Variants in NOS2 observed in about 807,000 individuals in gnomAD.
NOS2 encodes the protein nitric oxide synthase, inducible.
A neutral mutation model predicts 136.0 loss-of-function variants in NOS2; 96 were observed. That is an observed-to-expected ratio of 0.71 (90% confidence interval 0.60 to 0.84). NOS2 has a LOEUF of 0.84. Among genes scored for constraint, NOS2 ranks in the 40% least tolerant of loss-of-function variants. The pLI is 0.00. For missense variants in NOS2, 1,237 were observed against 1,496.9 expected (o/e 0.83, Z 2.87); for synonymous variants, 539 against 587.5 (o/e 0.92, Z 1.20).
intron 5 of NOS2, among the ~76,000 whole-genome samples, chr17:27,785,149 G>A (rs529551163): frequency 8.5e-5 from 13 of 152,138 alleles, no homozygotes; most frequent in African/African-American, 2.9e-4. Context: ...CTGGGGCTTC[G>A]AAGGGTGTGA....
chr17:27,791,723 T>C (rs1242718052), intron 2 of NOS2, among the ~76,000 whole-genome samples: 1 of 149,296 alleles, frequency 6.7e-6, no homozygotes, highest in Non-Finnish European at 1.5e-5. Flanking sequence ...TATCATTGAA[T>C]ACTTTTTTCT....
At chr17:27,772,009 G>A (rs1908510996) in intron 14 of NOS2, among the ~76,000 whole-genome samples, 1 of 152,336 alleles carries the variant, frequency 6.6e-6, no homozygotes, top group East Asian at 1.9e-4. Flanking sequence ...GCATCCTGCA[G>A]AGCAGGTGTT....
intron 2 of NOS2, among the ~76,000 whole-genome samples, chr17:27,790,435 C>T (rs1025607578): frequency 1.4e-4 from 22 of 152,172 alleles, no homozygotes; most frequent in African/African-American, 4.3e-4. Context: ...ATTTAAAACA[C>T]GTGATTTATC....
chr17:27,776,693 A>C (rs990467585), intron 11 of NOS2, among the ~76,000 whole-genome samples: 9 of 151,834 alleles, frequency 5.9e-5, no homozygotes, highest in African/African-American at 2.2e-4. Flanking sequence ...AAAAAAAAAA[A>C]AAAAAACTCA....
chr17:27,789,546 T>C (rs1909126890), intron 3 of NOS2, 58 bp downstream of exon 3: 1 of 1,320,448 alleles, frequency 7.6e-7, no homozygotes, highest in East Asian at 2.3e-5. Flanking sequence ...GGCTGCTATG[T>C]CTGCATCTGC....
intron 2 of NOS2, among the ~76,000 whole-genome samples, chr17:27,794,457 C>T (rs1909289828): frequency 6.6e-6 from 1 of 152,170 alleles, no homozygotes; most frequent in Non-Finnish European, 1.5e-5. Context: ...AGCAAGATAA[C>T]AGGTAGGGTC....
intron 17 of NOS2, among the ~76,000 whole-genome samples, chr17:27,768,173 G>A (rs961043196): frequency 4.0e-5 from 1 of 24,948 alleles, no homozygotes; most frequent in Non-Finnish European, 8.7e-5. Context: ...CCTCAGTCCC[G>A]TACCTGTAGC....
Position 27,769,013 on chromosome 17 carries a change from C to A in NOS2, c.1998G>T (p.Glu666Asp). The A allele has an allele frequency of 6.2e-7, 1 of 1,611,928 alleles. No homozygotes were observed. Among genetic ancestry groups the A allele is most frequent in the Admixed American group, 1.7e-5 (1 of 59,786 alleles). ...GCACGGCCCAGCTGCGGAAGGCGTC[C>A]TCCTGCCCACTGAGCTCATCCCCTT... is the stretch of plus-strand genomic sequence containing the variant. Reference protein sequence around the residue: ...MGEGDELSGQEDAFRSWAVQT... With the variant: ...MGEGDELSGQDDAFRSWAVQT... The change falls in exon 17 of 27, where the codon GAG (glutamate) becomes GAT (aspartate). Residue 666 changes from glutamate to aspartate, a missense_variant. Physicochemically the swap from Glu to Asp is conservative, Grantham distance 45. Transcript: ENST00000313735.
chr17:27,796,737 G>A (rs1474904185), intron 2 of NOS2, among the ~76,000 whole-genome samples: 3 of 152,168 alleles, frequency 2.0e-5, no homozygotes, highest in Non-Finnish European at 4.4e-5. Context: ...GCCAGTGTGG[G>A]GAGCTGGAGT....
chr17:27,779,503 A>T (rs1349858523), intron 9 of NOS2, among the ~76,000 whole-genome samples: 1 of 151,976 alleles, frequency 6.6e-6, no homozygotes, highest in Non-Finnish European at 1.5e-5. Context: ...GCCCACCAAG[A>T]AAAAAGCTTC....
chr17:27,794,708 A>ACG (rs1371815668), intron 2 of NOS2, among the ~76,000 whole-genome samples: 6 of 135,136 alleles, frequency 4.4e-5, no homozygotes, highest in Non-Finnish European at 9.6e-5. Flanking sequence ...GCGTACACAC[A>ACG]CACGCGCACA....
At position 27,760,098 on chromosome 17, in the gene NOS2, C is replaced by T. The variant is rs200133617; in HGVS notation, c.3091G>A (p.Glu1031Lys). ...TGCAGCACCCCCTTCTGGGCCATCTCCAGCATCTCCTCCTGGTAGATGTGG... is the reference window on the plus strand; with the variant it reads ...TGCAGCACCCCCTTCTGGGCCATCTTCAGCATCTCCTCCTGGTAGATGTGG... ...EDHIYQEEML[E>K]MAQKGVLHAV... The change falls in exon 25 of 27, where the codon GAG (glutamate) becomes AAG (lysine). Residue 1031 changes from glutamate to lysine, a missense_variant. Glu to Lys is a moderately conservative substitution (Grantham distance 56, BLOSUM62 1). Coordinates refer to ENST00000313735, the MANE Select transcript of NOS2 (RefSeq NM_000625.4). The T allele has an allele frequency of 1.4e-5, 22 of 1,606,594 alleles. No homozygotes were observed. Among genetic ancestry groups the T allele is most frequent in the Non-Finnish European group, 1.9e-5 (22 of 1,176,844 alleles).
intron 26 of NOS2, among the ~76,000 whole-genome samples, chr17:27,758,150 T>G (rs1378780208): frequency 6.6e-6 from 1 of 152,200 alleles, no homozygotes. Flanking sequence ...CATTTACTGC[T>G]CTATCCCTAG....
chr17:27,773,839 G>A (rs1424406320), intron 12 of NOS2, among the ~76,000 whole-genome samples: 1 of 152,226 alleles, frequency 6.6e-6, no homozygotes, highest in Non-Finnish European at 1.5e-5. Flanking sequence ...CCGTCGTGGA[G>A]TGAAGCCCAT....
intron 24 of NOS2, 112 bp from the exon 25 acceptor site, chr17:27,760,290 C>T (rs3729727): frequency 0.18 from 205,765 of 1,147,274 alleles, 19,515 homozygotes; most frequent in Middle Eastern, 0.25. Flanking sequence ...AGCATTATCC[C>T]CACTTTACAG....
Position 27,765,569 on chromosome 17 carries a change from G to C in NOS2, c.2394C>G (p.His798Gln). ...LERVVDGPTP[H>Q]QTVRLEALDE... ...CCAGGGCCTCCAGGCGCACTGTCTGGTGGGGTGTGGGGCCATCCACCACTC... is the reference window on the plus strand; with the variant it reads ...CCAGGGCCTCCAGGCGCACTGTCTGCTGGGGTGTGGGGCCATCCACCACTC... The change falls in exon 20 of 27, where the codon CAC becomes CAG. Residue 798 changes from histidine (H) to glutamine (Q), a missense_variant. This residue lies in a region of NOS2 where 782 missense variants were observed against 909.9 expected (regional missense o/e 0.86). Transcript: ENST00000313735. 6.2e-7 allele frequency: 1 copy of C among 1,611,118 alleles called. No individual in the cohort carries two copies. Among genetic ancestry groups the C allele is most frequent in the Non-Finnish European group, 8.5e-7 (1 of 1,179,460 alleles).
rs148392538 is a variant in NOS2 at position 27,797,896 on chromosome 17, G to A, written c.110+804C>T. 3.1e-3 allele frequency among the ~76,000 whole-genome samples: 467 copies of A among 152,216 alleles called. 5 individuals carry two copies. The highest frequency in any genetic ancestry group is 0.01 in the African/African-American group (430 of 41,518). ...CTGTAATTACCGGTCATTCAGGCTG[G>A]GGGAAGTCATAATCCTATTAGAGCT... On this transcript the variant is annotated intron_variant, in intron 2 of 26. Transcript: ENST00000313735.
chr17:27,765,851 C>G (rs1908284670), intron 19 of NOS2, 135 bp from the exon 20 acceptor site: 3 of 995,028 alleles, frequency 3.0e-6, no homozygotes, highest in East Asian at 2.7e-5. Flanking sequence ...GGCCACCACC[C>G]TGAGCTTGGG....
rs1382582626 is a variant in NOS2 at position 27,756,956 on chromosome 17, T to G, written c.*290A>C. On this transcript the variant is annotated 3_prime_UTR_variant, in exon 27 of 27. Transcript: ENST00000313735. ...CTGGTGGTCACTTGAAGTGGTGCAC[T>G]CAGCAGCAAGTTCCATCTTTCACCC... 5 of 383,412 alleles carry G rather than the reference T, an allele frequency of 1.3e-5. No homozygotes were observed. The East Asian group carries it at 1.8e-4, about 14-fold the overall frequency. The allele number at this position is 383,412 out of a possible 1,614,324, so 23.8% of individuals were successfully genotyped here. A position where few individuals can be genotyped will look rare whatever the true frequency, so the allele number is the denominator to read the frequency against.
Sources: allele counts gnomAD v4.1 joint callset (sites outside exome capture counted in the v4.1 genomes callset), GRCh38; gene constraint gnomAD v4.1.1; regional missense constraint gnomAD v4.1.1; transcripts MANE v1.5; gene names NCBI Gene and HGNC (gene_info 2026-07-23, HGNC 2026-07-21).